The following VSIG1 variants were observed in gnomAD, a reference collection of about 807,000 sequenced individuals.
VSIG1 encodes the protein V-set and immunoglobulin domain-containing protein 1.
A neutral mutation model predicts 20.1 loss-of-function variants in VSIG1; 11 were observed. The ratio of observed to expected loss-of-function variants is 0.55; its 90% CI spans 0.34 to 0.91. The LOEUF (loss-of-function observed/expected upper bound fraction) is 0.91. VSIG1 is among the 40% of genes least tolerant of loss of function. The probability of loss-of-function intolerance (pLI) is 0.02; values close to 1 mark genes in which losing one functional copy is unlikely to be tolerated. For synonymous variants in VSIG1, 126 were observed against 116.7 expected (o/e 1.08, Z -0.52); for missense variants, 283 against 298.8 (o/e 0.95, Z 0.39).
chrX:108,047,143 C>A (rs964615623), intron 1 of VSIG1, among the ~76,000 whole-genome samples: 1 of 111,454 alleles, frequency 9.0e-6, no homozygotes, highest in South Asian at 3.8e-4. Flanking sequence ...GAGAGAATGT[C>A]ACTTTTTGGT....
chrX:108,076,002 C>A, intron 5 of VSIG1, 75 bp from the exon 6 acceptor site: 1 of 1,151,555 alleles, frequency 8.7e-7, no homozygotes, highest in Non-Finnish European at 1.2e-6. Flanking sequence ...CCCTGATATT[C>A]CCCACTAGTC....
intron 1 of VSIG1, among the ~76,000 whole-genome samples, chrX:108,045,462 A>T (rs2030552458): frequency 8.9e-6 from 1 of 112,722 alleles, no homozygotes; most frequent in Non-Finnish European, 1.9e-5. Flanking sequence ...AGTGAAAAAA[A>T]TGAATTTACT....
intron 1 of VSIG1, among the ~76,000 whole-genome samples, chrX:108,047,831 CACATATATATATACATATATATAT>C (rs2147915783): frequency 3.1e-5 from 1 of 32,562 alleles, no homozygotes; most frequent in African/African-American, 1.5e-4. Context: ...CATATATATA[CACATATATATATACATATATATAT>C]ACACATATAT....
At chrX:108,076,512 T>A (rs149104742) in intron 6 of VSIG1, among the ~76,000 whole-genome samples, 2,417 of 112,076 alleles carry the variant, frequency 0.022, 48 homozygotes, top group African/African-American at 0.075. Flanking sequence ...ACCAACATAG[T>A]CATGAAATAT....
chrX:108,024,163 C>T, the VSIG1 span, among the ~76,000 whole-genome samples: 4 of 111,807 alleles, frequency 3.6e-5, no homozygotes, highest in South Asian at 1.5e-3. Context: ...TAATTTTAGT[C>T]ATTTTTTATA....
intron 1 of VSIG1, among the ~76,000 whole-genome samples, chrX:108,052,703 C>T (rs186054978): frequency 9.0e-6 from 1 of 111,534 alleles, no homozygotes. Flanking sequence ...GTAATTATTC[C>T]ACAGTGTATG....
the VSIG1 span, among the ~76,000 whole-genome samples, chrX:108,019,544 T>C: frequency 2.7e-5 from 3 of 112,150 alleles, no homozygotes; most frequent in South Asian, 7.5e-4. Flanking sequence ...TTGAGGGGCA[T>C]GGGCTTCACT....
At chrX:108,042,929 C>T (rs2030502056), upstream of VSIG1, among the ~76,000 whole-genome samples, 1 of 110,565 alleles carries the variant, frequency 9.0e-6, no homozygotes, top group South Asian at 3.9e-4. Context: ...CCCTTCCTAA[C>T]ATGGAGCTGC....
Position 108,055,378 on chromosome X carries a change from A to G in VSIG1, c.50-2660A>G, listed in dbSNP as rs897876170. On this transcript the variant is annotated intron_variant, in intron 1 of 6. Coordinates refer to ENST00000217957, the MANE Select transcript of VSIG1 (RefSeq NM_182607.5). ...GCTTCAGCAAATAATTCTAGCAAAC[A>G]TTTAAAGAATTATTAAGATCAGTTT... 1.8e-4 allele frequency among the ~76,000 whole-genome samples: 20 copies of G among 112,099 alleles called. No homozygotes were observed. In the East Asian group the frequency reaches 4.7e-3, roughly 27 times the overall value.
intron 1 of VSIG1, among the ~76,000 whole-genome samples, chrX:108,049,557 G>A (rs751769163): frequency 8.9e-6 from 1 of 111,796 alleles, no homozygotes; most frequent in East Asian, 2.8e-4. Flanking sequence ...GTCTTCAAAG[G>A]GGGTTTGTGG....
At chrX:108,059,048 A>G (rs185467977) in intron 2 of VSIG1, among the ~76,000 whole-genome samples, 1 of 111,995 alleles carries the variant, frequency 8.9e-6, no homozygotes, top group African/African-American at 3.2e-5. Flanking sequence ...CCTTGATGGA[A>G]AAGGTCTGTA....
intron 1 of VSIG1, 106 bp downstream of exon 1, chrX:108,045,285 T>C (rs751575594): frequency 3.4e-5 from 21 of 614,610 alleles, no homozygotes; most frequent in Non-Finnish European, 5.0e-5. Flanking sequence ...GTACTTCAAA[T>C]GAATTGTGAT....
intron 1 of VSIG1, 97 bp from the exon 2 acceptor site, chrX:108,057,941 T>C: frequency 1.1e-6 from 1 of 875,354 alleles, no homozygotes; most frequent in Non-Finnish European, 1.6e-6. Context: ...TCACCTTGGA[T>C]TCCTCAAATA....
intron 2 of VSIG1, among the ~76,000 whole-genome samples, chrX:108,059,098 A>G (rs1476895962): frequency 1.8e-5 from 2 of 112,231 alleles, no homozygotes; most frequent in Non-Finnish European, 3.8e-5. Context: ...GACCCAAAGC[A>G]GAGTTTAGAG....
chrX:108,059,178 T>G lies in VSIG1; in HGVS notation c.213+977T>G, dbSNP rs185419546. Reference sequence around the variant, plus strand: ...TTGGGCCTTGAAGGAAAAGAAAGGTTTTGATTAGTAGAAAGATAGAGGGAG... The same window carrying G: ...TTGGGCCTTGAAGGAAAAGAAAGGTGTTGATTAGTAGAAAGATAGAGGGAG... On this transcript the variant is annotated intron_variant, in intron 2 of 6. Coordinates refer to ENST00000217957, the MANE Select transcript of VSIG1 (RefSeq NM_182607.5). 2.3e-4 allele frequency among the ~76,000 whole-genome samples: 25 copies of G among 111,068 alleles called. No individual in the cohort carries two copies. The East Asian group carries it at 5.7e-3, about 25-fold the overall frequency.
chrX:108,071,892 C>CAAAAAAA (rs1203449181), intron 3 of VSIG1, among the ~76,000 whole-genome samples: 20 of 36,365 alleles, frequency 5.5e-4, no homozygotes, highest in East Asian at 1.1e-3. Context: ...TGAACAAATG[C>CAAAAAAA]AAAAAAAAAA....
At chrX:108,057,532 T>A (rs1406162944) in intron 1 of VSIG1, among the ~76,000 whole-genome samples, 1 of 112,334 alleles carries the variant, frequency 8.9e-6, no homozygotes, top group African/African-American at 3.2e-5. Flanking sequence ...GAGATCTGTC[T>A]TATTTCCTAG....
rs1471257807 is a variant in VSIG1 at position 108,047,959 on chromosome X, CACATATATATATATATAT to C, written c.49+2782_49+2799del. 1.0e-3 allele frequency among the ~76,000 whole-genome samples: 15 copies of C among 14,806 alleles called. 3 individuals carry two copies. The highest frequency in any genetic ancestry group is 5.3e-3 in the East Asian group (5 of 947). 12.9% of individuals were successfully genotyped at this position (14,806 alleles called of 115,157 possible). ...ACACATATATATATATATATACACACACATATATATATATATATATATATATATATATATATATATATA... is the reference window on the plus strand; with the variant it reads ...ACACATATATATATATATATACACACATATATATATATATATATATATATA... On this transcript the variant is annotated intron_variant, in intron 1 of 6. Transcript: ENST00000217957.
At chrX:108,036,429 C>T in the VSIG1 span, among the ~76,000 whole-genome samples, 1 of 110,730 alleles carries the variant, frequency 9.0e-6, no homozygotes, top group African/African-American at 3.3e-5. Context: ...TACAGTGCGT[C>T]AACACAAATT....
Sources: gnomAD v4.1 joint callset for allele counts (sites outside exome capture counted in the v4.1 genomes callset) on GRCh38, gnomAD v4.1.1 for gene constraint, MANE v1.5 for transcripts, NCBI Gene and HGNC (gene_info 2026-07-23, HGNC 2026-07-21) for gene names.